Variants in ODF2L observed in about 807,000 individuals in gnomAD.
ODF2L encodes outer dense fiber of sperm tails 2 like.
Under a neutral mutation model 86.3 loss-of-function variants are expected in ODF2L, and 76 were observed. That is an observed-to-expected ratio of 0.88 (90% confidence interval 0.73 to 1.07). The LOEUF (loss-of-function observed/expected upper bound fraction) is 1.07. Ranked by LOEUF, ODF2L falls within the 50% of genes least tolerant of loss-of-function variation. The pLI, the probability that ODF2L is intolerant of heterozygous loss-of-function variation, is 0.00. For synonymous variants in ODF2L, 241 were observed against 231.3 expected (o/e 1.04, Z -0.38); for missense variants, 748 against 717.4 (o/e 1.04, Z -0.49).
At chr1:86,385,409 GAGT>G (rs1660875715) in intron 3 of ODF2L, 46 bp downstream of exon 3, 1 of 1,177,454 alleles carries the variant, frequency 8.5e-7, no homozygotes, top group Non-Finnish European at 1.2e-6. Context: ...AATGCATTCT[GAGT>G]ATTATACTAG....
intron 11 of ODF2L, among the ~76,000 whole-genome samples, chr1:86,365,628 T>C (rs146380526): frequency 1.4e-4 from 21 of 152,152 alleles, no homozygotes; most frequent in African/African-American, 4.3e-4. Flanking sequence ...CAAACTATTA[T>C]AAAGGAAAAA....
rs187064381 is a variant in ODF2L at position 86,365,779 on chromosome 1, A to G, written c.1143+2857T>C. On this transcript the variant is annotated intron_variant, in intron 11 of 17. Transcript: ENST00000317336. ...CTAACGAGGAAGTTCATCTATCTGT[A>G]GAATCTAGAGAGGCACAGGGCTAAA... Among the ~76,000 whole-genome samples the G allele has an allele frequency of 1.6e-4, 24 of 152,332 alleles. No individual in the cohort carries two copies. The East Asian group carries it at 3.9e-3, about 24-fold the overall frequency.
chr1:86,352,336 G>GA (rs1322331268), intron 17 of ODF2L: 223 of 1,116,682 alleles, frequency 2.0e-4, no homozygotes, highest in South Asian at 3.1e-4. Context: ...GAGTATTCAG[G>GA]AAAAAAAACA....
intron 10 of ODF2L, among the ~76,000 whole-genome samples, chr1:86,369,709 G>A (rs576349387): frequency 6.6e-6 from 1 of 152,236 alleles, no homozygotes; most frequent in African/African-American, 2.4e-5. Flanking sequence ...ATAACACTAT[G>A]TATCTCCCAC....
At chr1:86,364,381 G>A (rs1369881449) in intron 11 of ODF2L, among the ~76,000 whole-genome samples, 1 of 152,198 alleles carries the variant, frequency 6.6e-6, no homozygotes, top group East Asian at 1.9e-4. Context: ...TTGGGAGGAA[G>A]TAGCATTTGA....
chr1:86,352,357 T>G, intron 17 of ODF2L: 2 of 931,790 alleles, frequency 2.1e-6, no homozygotes, highest in Non-Finnish European at 1.5e-6. Context: ...GAAGACTAAT[T>G]AAGCACAGTC....
downstream of ODF2L, chr1:86,349,017 G>A: frequency 1.2e-6 from 1 of 806,964 alleles, no homozygotes; most frequent in Non-Finnish European, 1.7e-6. Context: ...CATCTGATGT[G>A]TTCATTCTTA....
At chr1:86,366,560 C>T (rs973397224) in intron 11 of ODF2L, among the ~76,000 whole-genome samples, 3 of 149,468 alleles carry the variant, frequency 2.0e-5, no homozygotes, top group Non-Finnish European at 3.0e-5. Context: ...GAGTTCTGAT[C>T]GTGCCACTGC....
intron 8 of ODF2L, among the ~76,000 whole-genome samples, chr1:86,373,339 T>C (rs1659943098): frequency 6.7e-6 from 1 of 150,262 alleles, no homozygotes; most frequent in Non-Finnish European, 1.5e-5. Context: ...AGTGGCACGG[T>C]CATGATGGTT....
chr1:86,348,542 A>T, downstream of ODF2L: 1 of 308,626 alleles, frequency 3.2e-6, no homozygotes, highest in Non-Finnish European at 5.3e-6. Flanking sequence ...GATAAATAAG[A>T]ATTATCCAGC....
downstream of ODF2L, chr1:86,348,335 A>T (rs1657909493): frequency 6.6e-6 from 1 of 151,604 alleles, no homozygotes; most frequent in East Asian, 1.9e-4. Context: ...AAAAATTAAA[A>T]TTCAGAATAT....
At position 86,363,931 on chromosome 1, in the gene ODF2L, A is replaced by G. The variant is rs564230990; in HGVS notation, c.1144-3395T>C. On this transcript the variant is annotated intron_variant, in intron 11 of 17. Transcript: ENST00000317336. ...TTAAAATCTAAAACTATTCTAAAGT[A>G]ATTAAAAGTAATAAAACACAAACAT... Among the ~76,000 whole-genome samples the G allele has an allele frequency of 5.9e-5, 9 of 152,262 alleles. No homozygotes were observed. In the South Asian group the frequency reaches 8.3e-4, roughly 14 times the overall value.
rs1386656920 is a variant in ODF2L at position 86,394,197 on chromosome 1, T to C, written c.-60+1836A>G. On this transcript the variant is annotated intron_variant, in intron 1 of 17. Transcript: ENST00000317336. ...CTTGTCCAAGATTACAAGTAAGGAA[T>C]TGGTGGAACTCAGTTTTGAATTAAA... is the stretch of plus-strand genomic sequence containing the variant. Among the ~76,000 whole-genome samples the C allele has an allele frequency of 5.9e-5, 9 of 152,120 alleles. No individual in the cohort carries two copies. The East Asian group carries it at 1.7e-3, about 29-fold the overall frequency.
At chr1:86,366,750 G>A (rs1177691919) in intron 11 of ODF2L, among the ~76,000 whole-genome samples, 2 of 151,858 alleles carry the variant, frequency 1.3e-5, no homozygotes, top group South Asian at 2.1e-4. Context: ...ACTTTTAAAC[G>A]AAGGATTAGG....
intron 1 of ODF2L, among the ~76,000 whole-genome samples, chr1:86,387,937 G>T (rs185544630): frequency 1.3e-5 from 2 of 152,038 alleles, no homozygotes; most frequent in Admixed American, 6.5e-5. Context: ...TTATATTCAA[G>T]AATTTTTAAC....
exon 18 of ODF2L, chr1:86,350,143 C>A: frequency 4.7e-6 from 1 of 212,916 alleles, no homozygotes; most frequent in Non-Finnish European, 8.1e-6. Flanking sequence ...TTCTGGGATA[C>A]ATGTACAGAA....
chr1:86,376,441 T>C (rs748057357), intron 7 of ODF2L, 23 bp from the exon 8 acceptor site: 40 of 1,467,500 alleles, frequency 2.7e-5, no homozygotes, highest in Non-Finnish European at 3.5e-5. Flanking sequence ...TTAGCAACAA[T>C]TAAATTATTT....
intron 8 of ODF2L, among the ~76,000 whole-genome samples, chr1:86,375,235 A>T (rs10873773): frequency 0.32 from 48,142 of 151,990 alleles, 7,739 homozygotes; most frequent in East Asian, 0.41. Context: ...ACAAACAAGA[A>T]AAACAACAAA....
intron 8 of ODF2L, among the ~76,000 whole-genome samples, chr1:86,372,781 T>C (rs1282983807): frequency 2.0e-5 from 3 of 152,312 alleles, no homozygotes; most frequent in African/African-American, 7.2e-5. Context: ...ATATCCATCA[T>C]GGAATACTAC....
Sources: allele counts gnomAD v4.1 joint callset (sites outside exome capture counted in the v4.1 genomes callset), GRCh38; gene constraint gnomAD v4.1.1; transcripts MANE v1.5; gene names NCBI Gene and HGNC (gene_info 2026-07-23, HGNC 2026-07-21).